Variants in BOP1 observed in about 807,000 individuals in gnomAD.
The protein encoded by BOP1 is BOP1 ribosomal biogenesis factor, also known as ribosome biogenesis protein BOP1.
BOP1 carries 54 observed loss-of-function variants against 82.9 expected under a neutral mutation model. The observed-to-expected ratio is 0.65, with a 90% CI of 0.52 to 0.82. The LOEUF (loss-of-function observed/expected upper bound fraction) is 0.82, where lower values mean the gene tolerates loss of function less well. BOP1 is among the 40% of genes least tolerant of loss of function. The pLI, the probability that BOP1 is intolerant of heterozygous loss-of-function variation, is 0.00. For missense variants in BOP1, 1,170 were observed against 1,072.0 expected (o/e 1.09, Z -1.28); for synonymous variants, 566 against 451.1 (o/e 1.25, Z -3.23).
intron 2 of BOP1, among the ~76,000 whole-genome samples, chr8:144,282,221 G>A (rs141688413): frequency 9.3e-4 from 141 of 152,344 alleles, no homozygotes; most frequent in African/African-American, 3.0e-3. Context: ...AGGGCTGGGA[G>A]CACCCGTGTC....
At chr8:144,273,238 C>A (rs1355486087) in intron 3 of BOP1, among the ~76,000 whole-genome samples, 1 of 152,216 alleles carries the variant, frequency 6.6e-6, no homozygotes, top group Non-Finnish European at 1.5e-5. Context: ...CTGGGAGAAG[C>A]CATTAACGGC....
chr8:144,269,238 C>T (rs1310870404), intron 3 of BOP1, among the ~76,000 whole-genome samples: 1 of 152,236 alleles, frequency 6.6e-6, no homozygotes. Flanking sequence ...GATCAGTGGG[C>T]ACAGAGAGAA....
intron 2 of BOP1, among the ~76,000 whole-genome samples, chr8:144,288,233 G>A (rs2130272328): frequency 6.7e-6 from 1 of 149,432 alleles, no homozygotes; most frequent in South Asian, 2.1e-4. Context: ...TCGCCCCACT[G>A]CACTCCAGCC....
rs1588586394 is a variant in BOP1, at chr8:144,262,947, G to A, written c.1800C>T (p.Arg600=). Residue 600 remains arginine, a synonymous_variant, in exon 13 of 16, where the codon CGC becomes CGT. Transcript: ENST00000569669. ...ARPFLLVASQ[R]SVRLYHLLRQ... Reference sequence around the variant, plus strand: ...GCAGCAGGTGGTAGAGGCGGACGCTGCGCTGGGACGCCACCAACAGGAAGG... The same window carrying A: ...GCAGCAGGTGGTAGAGGCGGACGCTACGCTGGGACGCCACCAACAGGAAGG... 5 of 1,546,602 alleles carry A rather than the reference G, an allele frequency of 3.2e-6. No homozygotes were observed. The highest frequency in any genetic ancestry group is 1.4e-5 in the African/African-American group (1 of 73,762).
chr8:144,262,335 G>C lies in BOP1; in HGVS notation c.2088-18C>G, dbSNP rs1262527976. 8 of 1,612,674 alleles carry C rather than the reference G, an allele frequency of 5.0e-6. No homozygotes were observed. The highest frequency in any genetic ancestry group is 1.3e-5 in the African/African-American group (1 of 74,892). On this transcript the variant is annotated intron_variant, in intron 15 of 15. Transcript: ENST00000569669. ...GAAGGTCACTGTGGGGACGAGGAGG[G>C]CTCAGGGCACGGCCAGACACCACTG...
At position 144,264,876 on chromosome 8, in the gene BOP1, G is replaced by A. The variant is rs1160166233; in HGVS notation, c.545+41C>T. 538 of 1,599,760 alleles carry A rather than the reference G, an allele frequency of 3.4e-4. 2 individuals are homozygous for A. In the African/African-American group the frequency reaches 5.8e-3, roughly 17 times the overall value. Reference sequence around the variant, plus strand: ...CCCCGCCAGCCCTGCCCCACCCCTCGGGCCCACCCCGGCTGCTGGCCCCAC... The same window carrying A: ...CCCCGCCAGCCCTGCCCCACCCCTCAGGCCCACCCCGGCTGCTGGCCCCAC... On this transcript the variant is annotated intron_variant, in intron 4 of 15. Coordinates refer to ENST00000569669, the MANE Select transcript of BOP1 (RefSeq NM_015201.5).
At chr8:144,266,401 C>T (rs1845364337) in intron 3 of BOP1, among the ~76,000 whole-genome samples, 1 of 151,486 alleles carries the variant, frequency 6.6e-6, no homozygotes, top group East Asian at 2.0e-4. Flanking sequence ...GGGGCGTGCG[C>T]GGGGGAGGGG....
Position 144,264,112 on chromosome 8 carries a change from C to A in BOP1, c.1009G>T (p.Glu337Ter). The A allele has an allele frequency of 6.2e-7, 1 of 1,610,374 alleles. No individual in the cohort carries two copies. Among genetic ancestry groups the A allele is most frequent in the South Asian group, 1.1e-5 (1 of 90,814 alleles). ...CGTGGCAAAAAGCTCAGCTTCCTCT[C>A]GCCTGGCTCCTGCTGTTCCCACGCC... ...RLAWEQQEPG[E>*]RKLSFLPRKF... Residue 337 changes from glutamate to a stop codon, truncating the protein, a stop_gained, in exon 8 of 16, where the codon GAG becomes TAG. Coordinates refer to ENST00000569669, the MANE Select transcript of BOP1 (RefSeq NM_015201.5). LOFTEE classifies it high-confidence loss of function.
chr8:144,283,218 A>AG (rs1814767317), intron 2 of BOP1, among the ~76,000 whole-genome samples: 2 of 149,290 alleles, frequency 1.3e-5, no homozygotes, highest in East Asian at 3.9e-4. Context: ...AAAAAAAAAA[A>AG]AAAAAAAGAA....
rs1274338910 is a variant in BOP1, at chr8:144,263,730, C to A, written c.1253G>T (p.Cys418Phe). ...VYRGHSDLVR[C>F]LSVSPGGQWL... ...CTGGCCCCCAGGAGAGACACTGAGGCACCGGACAAGGTCACTGTGGCCCCT... is the reference window on the plus strand; with the variant it reads ...CTGGCCCCCAGGAGAGACACTGAGGAACCGGACAAGGTCACTGTGGCCCCT... Residue 418 changes from cysteine to phenylalanine, a missense_variant, in exon 10 of 16, where the codon TGC becomes TTC. Physicochemically the swap from Cys to Phe is radical, Grantham distance 205 (BLOSUM62 -2). Transcript: ENST00000569669. 1.9e-6 allele frequency: 3 copies of A among 1,576,408 alleles called. No homozygotes were observed. The highest frequency in any genetic ancestry group is 2.6e-6 in the Non-Finnish European group (3 of 1,162,334).
intron 2 of BOP1, among the ~76,000 whole-genome samples, chr8:144,283,553 T>G (rs1337417170): frequency 1.3e-5 from 2 of 152,172 alleles, no homozygotes; most frequent in African/African-American, 4.8e-5. Flanking sequence ...GCTCAAGAGA[T>G]CCACCTGCCT....
Position 144,280,430 on chromosome 8 carries a change from G to A in BOP1, c.310-4126C>T, listed in dbSNP as rs1845649968. 2.0e-5 allele frequency among the ~76,000 whole-genome samples: 3 copies of A among 152,262 alleles called. No homozygotes were observed. In the South Asian group the frequency reaches 6.2e-4, roughly 31 times the overall value. On this transcript the variant is annotated intron_variant, in intron 2 of 15. Coordinates refer to ENST00000569669, the MANE Select transcript of BOP1 (RefSeq NM_015201.5). ...AGAACCACAGCGACAGGGGGCCCGA[G>A]CCCAGGGTTCCCACGCTGCAGCAAC...
chr8:144,282,524 C>T (rs1303837086), intron 2 of BOP1, among the ~76,000 whole-genome samples: 9 of 152,096 alleles, frequency 5.9e-5, no homozygotes, highest in South Asian at 2.1e-4. Flanking sequence ...GTAGCAGGGA[C>T]GCAAAGGGTG....
Position 144,291,334 on chromosome 8 carries a change from G to A in BOP1, c.37C>T (p.Pro13Ser). 7.1e-7 allele frequency: 1 copy of A among 1,410,234 alleles called. No individual in the cohort carries two copies. The highest frequency in any genetic ancestry group is 9.3e-7 in the Non-Finnish European group (1 of 1,078,472). 87.4% of individuals were successfully genotyped at this position (1,410,234 alleles called of 1,614,324 possible). A position where few individuals can be genotyped will look rare whatever the true frequency, so the allele number is the denominator to read the frequency against. Residue 13 changes from proline to serine, a missense_variant, in exon 1 of 16, where the codon CCG becomes TCG. By Grantham distance (74) the Pro-to-Ser change is moderately conservative. Coordinates refer to ENST00000569669, the MANE Select transcript of BOP1 (RefSeq NM_015201.5). This position sits in a 1 kb window ranked among gnomAD's most constrained non-coding sequence, Gnocchi z 4.1. Reference sequence around the variant, plus strand: ...CGCCGCTTCTCCGGCCGCACGCTCGGCGCCGCCGTGCGCCCCGCACCCCGC... The same window carrying A: ...CGCCGCTTCTCCGGCCGCACGCTCGACGCCGCCGTGCGCCCCGCACCCCGC... Reference protein sequence around the residue: ...GSRGAGRTAAPSVRPEKRRSE... With the variant: ...GSRGAGRTAASSVRPEKRRSE...
chr8:144,285,075 G>A (rs2130262959), intron 2 of BOP1, among the ~76,000 whole-genome samples: 1 of 152,344 alleles, frequency 6.6e-6, no homozygotes, highest in East Asian at 1.9e-4. Flanking sequence ...TTATGGAGGA[G>A]GCTCTCTGAA....
In BOP1 at chr8:144,264,615, G is replaced by A. The variant is rs1023049958; in HGVS notation, c.665C>T (p.Pro222Leu). 115 of 1,594,036 alleles carry A rather than the reference G, an allele frequency of 7.2e-5. No individual in the cohort carries two copies. The highest frequency in any genetic ancestry group is 9.1e-5 in the Non-Finnish European group (107 of 1,170,232). The change falls in exon 6 of 16, where the codon CCG becomes CTG. Residue 222 changes from proline (P) to leucine (L), a missense_variant and splice_region_variant. Coordinates refer to ENST00000569669, the MANE Select transcript of BOP1 (RefSeq NM_015201.5). The part of the protein sequence containing the change: ...FGDVGFNPYE[P>L]AVDFFSGDVM... ...GTCCCCGCTGAAGAAGTCGACAGCCGGCTGGGGGAGAAGATGTGGGCGTGT... is the reference window on the plus strand; with the variant it reads ...GTCCCCGCTGAAGAAGTCGACAGCCAGCTGGGGGAGAAGATGTGGGCGTGT...
intron 2 of BOP1, 39 bp from the exon 3 acceptor site, chr8:144,276,343 C>T: frequency 6.2e-7 from 1 of 1,605,454 alleles, no homozygotes; most frequent in African/African-American, 1.3e-5. Flanking sequence ...TCAGGGGATA[C>T]AGGGTACCCT....
intron 3 of BOP1, chr8:144,268,300 G>C (rs942672604): frequency 7.3e-4 from 789 of 1,086,138 alleles, no homozygotes; most frequent in Non-Finnish European, 1.0e-3. Flanking sequence ...AGGGACAGAC[G>C]GACGTACAGA....
chr8:144,265,190 C>T (rs1330972849), intron 3 of BOP1, 119 bp from the exon 4 acceptor site: 10 of 1,188,046 alleles, frequency 8.4e-6, no homozygotes, highest in Non-Finnish European at 1.2e-5. Flanking sequence ...CTCAAGTGCC[C>T]TGAGGTCACT....
Sources: gnomAD v4.1 joint callset for allele counts (sites outside exome capture counted in the v4.1 genomes callset) on GRCh38, gnomAD v4.1.1 for gene constraint, Gnocchi (gnomAD v3.1) non-coding constraint, MANE v1.5 for transcripts, NCBI Gene and HGNC (gene_info 2026-07-23, HGNC 2026-07-21) for gene names.